CASKIN1: variants seen among roughly 807,000 people sequenced by gnomAD.
The protein encoded by CASKIN1 is CASK interacting protein 1, also known as caskin-1.
CASKIN1 carries 42 observed loss-of-function variants against 117.5 expected under a neutral mutation model. That is an observed-to-expected ratio of 0.36 (90% CI 0.28 to 0.46). CASKIN1 has a LOEUF of 0.46. CASKIN1 is among the 20% of genes least tolerant of loss of function. The pLI is 1.00. For synonymous variants in CASKIN1, 1,148 were observed against 961.7 expected (o/e 1.19, Z -3.59); for missense variants, 2,083 against 2,077.3 (o/e 1.00, Z -0.05).
chr16:2,178,432 G>A lies in CASKIN1; in HGVS notation c.*118C>T. The A allele has an allele frequency of 2.8e-6, 2 of 724,682 alleles. No individual in the cohort carries two copies. Among genetic ancestry groups the A allele is most frequent in the Non-Finnish European group, 4.1e-6 (2 of 490,660 alleles). 44.9% of individuals were successfully genotyped at this position (724,682 alleles called of 1,614,324 possible). ...CGGCCCGGGTCCAGGGGCCGGAGTT[G>A]TGCTTCTGCAGGGCCCTGCCCGGCC... is the stretch of plus-strand genomic sequence containing the variant. On this transcript the variant is annotated 3_prime_UTR_variant, in exon 20 of 20. Transcript: ENST00000343516.
Position 2,179,118 on chromosome 16 carries a change from G to A in CASKIN1, c.3983C>T (p.Pro1328Leu), listed in dbSNP as rs1043365740. Residue 1328 changes from proline to leucine, a missense_variant, in exon 19 of 20, where the codon CCC becomes CTC. Physicochemically the swap from Pro to Leu is moderately conservative, Grantham distance 98 (BLOSUM62 -3). Around this residue, in one of 3 missense-constraint regions of CASKIN1, gnomAD observed 1,818 missense variants for 1,688.9 expected, o/e 1.08. Transcript: ENST00000343516. This position sits in a 1 kb window ranked among gnomAD's most constrained non-coding sequence, Gnocchi z 5.8. ...CAGCGCGGGCGCGCCGGGGGACGGG[G>A]GCTTGGCGGGGCTGGCGCCCAGCGA... ...PPSLGASPAK[P>L]PSPGAPALHV... The A allele has an allele frequency of 9.9e-7, 1 of 1,011,170 alleles. No homozygotes were observed. The highest frequency in any genetic ancestry group is 1.8e-5 in the African/African-American group (1 of 57,098). 62.6% of individuals were successfully genotyped at this position (1,011,170 alleles called of 1,614,324 possible).
chr16:2,194,515 C>T (rs1245021832), intron 1 of CASKIN1, among the ~76,000 whole-genome samples: 1 of 152,160 alleles, frequency 6.6e-6, no homozygotes, highest in Non-Finnish European at 1.5e-5. Context: ...CCTGGGCTCA[C>T]GGGGCCCTGG....
At chr16:2,194,394 G>A (rs1234664416) in intron 1 of CASKIN1, among the ~76,000 whole-genome samples, 1 of 152,148 alleles carries the variant, frequency 6.6e-6, no homozygotes, top group African/African-American at 2.4e-5. Flanking sequence ...CTCCCTTCAG[G>A]GCAGGGCGAG....
chr16:2,185,820 G>C (rs1407405817), intron 10 of CASKIN1, among the ~76,000 whole-genome samples: 5 of 152,206 alleles, frequency 3.3e-5, no homozygotes, highest in Admixed American at 3.3e-4. Context: ...CGGGCCCCTG[G>C]TCCCTTGCAG....
Position 2,179,964 on chromosome 16 carries a change from T to C in CASKIN1, c.3404A>G (p.Gln1135Arg). The C allele has an allele frequency of 6.2e-7, 1 of 1,606,746 alleles. No individual in the cohort carries two copies. The highest frequency in any genetic ancestry group is 8.5e-7 in the Non-Finnish European group (1 of 1,177,224). Residue 1135 changes from glutamine to arginine, a missense_variant, in exon 18 of 20, where the codon CAG becomes CGG. By Grantham distance (43) the Gln-to-Arg change is conservative. This residue lies in a region of CASKIN1 where 1,818 missense variants were observed against 1,688.9 expected (regional missense o/e 1.08). Transcript: ENST00000343516. This position sits in a 1 kb window ranked among gnomAD's most constrained non-coding sequence, Gnocchi z 5.8. ...GGTCAGGATGAACTTGACGTTCTCCTGCTGGTTCTGCTTGGCCCGGATGCG... is the reference window on the plus strand; with the variant it reads ...GGTCAGGATGAACTTGACGTTCTCCCGCTGGTTCTGCTTGGCCCGGATGCG... ...KRRIRAKQNQ[Q>R]ENVKFILTES...
At chr16:2,183,086 C>T (rs890496985) in intron 16 of CASKIN1, among the ~76,000 whole-genome samples, 3 of 152,224 alleles carry the variant, frequency 2.0e-5, no homozygotes, top group Non-Finnish European at 2.9e-5. Context: ...CGCGCCCGGC[C>T]GCACCTCCGT....
At chr16:2,191,319 C>T (rs1165902161) in intron 1 of CASKIN1, among the ~76,000 whole-genome samples, 1 of 152,176 alleles carries the variant, frequency 6.6e-6, no homozygotes, top group African/African-American at 2.4e-5. Flanking sequence ...CACAGCAGCC[C>T]CTGCTGCCCC....
chr16:2,193,866 C>T (rs2093207833), intron 1 of CASKIN1, among the ~76,000 whole-genome samples: 1 of 152,178 alleles, frequency 6.6e-6, no homozygotes, highest in Admixed American at 6.5e-5. Context: ...ACAGTGGGTA[C>T]CCAGGAAGGT....
Position 2,181,399 on chromosome 16 carries a change from G to A in CASKIN1, c.1969C>T (p.Leu657Phe), listed in dbSNP as rs1358991929. 6.2e-7 allele frequency: 1 copy of A among 1,611,164 alleles called. No individual in the cohort carries two copies. The highest frequency in any genetic ancestry group is 2.2e-5 in the East Asian group (1 of 44,838). ...PKMTTFQDSE[L>F]SDELQAAMTG... The stretch of plus-strand genomic sequence containing the variant: ...ATGGCAGCCTGCAGCTCGTCACTGA[G>A]CTCGCTGTCCTGGAAGGTGGTCATT... Residue 657 changes from leucine to phenylalanine, a missense_variant, in exon 18 of 20, where the codon CTC becomes TTC. Leu to Phe is a conservative substitution (Grantham distance 22, BLOSUM62 0). This residue lies in a region of CASKIN1 where 1,818 missense variants were observed against 1,688.9 expected (regional missense o/e 1.08). Transcript: ENST00000343516.
intron 6 of CASKIN1, among the ~76,000 whole-genome samples, chr16:2,187,688 C>A (rs2093189019): frequency 6.6e-6 from 1 of 152,200 alleles, no homozygotes; most frequent in Admixed American, 6.5e-5. Flanking sequence ...ATGGTGCGAT[C>A]TCGGCTCACT....
rs758475679 is a variant in CASKIN1 at position 2,179,957 on chromosome 16, G to C, written c.3411C>G (p.Asn1137Lys). ...RIRAKQNQQE[N>K]VKFILTESDT... ...CAGACTCGGTCAGGATGAACTTGAC[G>C]TTCTCCTGCTGGTTCTGCTTGGCCC... The change falls in exon 18 of 20, where the codon AAC becomes AAG. Residue 1137 changes from asparagine (N) to lysine (K), a missense_variant. Transcript: ENST00000343516. The surrounding 1 kb of genome is among the most constrained non-coding windows in gnomAD (Gnocchi z 5.8). The C allele has an allele frequency of 4.4e-6, 7 of 1,606,722 alleles. No homozygotes were observed. The highest frequency in any genetic ancestry group is 5.9e-6 in the Non-Finnish European group (7 of 1,177,280).
Position 2,189,011 on chromosome 16 carries a change from C to A in CASKIN1, c.617+16G>T, listed in dbSNP as rs773251173. On this transcript the variant is annotated intron_variant, in intron 6 of 19. Transcript: ENST00000343516. ...GGGGACCCTAAGGCTGAGGCCCTCCCTGCTACCGGCTCTACCTGATGATGT... is the reference window on the plus strand; with the variant it reads ...GGGGACCCTAAGGCTGAGGCCCTCCATGCTACCGGCTCTACCTGATGATGT... The A allele has an allele frequency of 1.2e-6, 2 of 1,605,284 alleles. No individual in the cohort carries two copies. Among genetic ancestry groups the A allele is most frequent in the Non-Finnish European group, 1.7e-6 (2 of 1,174,452 alleles).
chr16:2,185,020 G>T lies in CASKIN1; in HGVS notation c.1255C>A (p.Leu419Ile). Residue 419 changes from leucine (L) to isoleucine (I), a missense_variant, in exon 13 of 20, where the codon CTT (leucine) becomes ATT (isoleucine). By Grantham distance (5) the Leu-to-Ile change is conservative. Coordinates refer to ENST00000343516, the MANE Select transcript of CASKIN1 (RefSeq NM_020764.4). ...GACTCAGAGACGGACTTCTGGGAAA[G>T]CACCGTTGCCAGGAGCTGCAACCCA... Reference protein sequence around the residue: ...SEGVKLLATVLSQKSVSESGP... With the variant: ...SEGVKLLATVISQKSVSESGP... 1 of 1,609,578 alleles carries T rather than the reference G, an allele frequency of 6.2e-7. No individual in the cohort carries two copies. The highest frequency in any genetic ancestry group is 1.1e-5 in the South Asian group (1 of 90,910).
chr16:2,178,083 A>C lies in CASKIN1; in HGVS notation c.*467T>G, dbSNP rs889950378. 5 of 494,952 alleles carry C rather than the reference A, an allele frequency of 1.0e-5. No individual in the cohort carries two copies. The highest frequency in any genetic ancestry group is 1.9e-5 in the Non-Finnish European group (5 of 257,144). 30.7% of individuals were successfully genotyped at this position (494,952 alleles called of 1,614,324 possible). On this transcript the variant is annotated 3_prime_UTR_variant, in exon 20 of 20. Coordinates refer to ENST00000343516, the MANE Select transcript of CASKIN1 (RefSeq NM_020764.4). ...TTATACCTTTTTGTTTCTCTGGGGAAATCCGCCTCAGCTCATTCCCAATAA... is the reference window on the plus strand; with the variant it reads ...TTATACCTTTTTGTTTCTCTGGGGACATCCGCCTCAGCTCATTCCCAATAA...
rs1173646035 is a variant in CASKIN1 at position 2,181,873 on chromosome 16, C to G, written c.1686G>C (p.Leu562Phe). 1.9e-6 allele frequency: 3 copies of G among 1,613,716 alleles called. No homozygotes were observed. Among genetic ancestry groups the G allele is most frequent in the South Asian group, 2.2e-5 (2 of 91,086 alleles). The part of the protein sequence containing the change: ...MIGLAQYYKV[L>F]VDNGYENIDF... Reference sequence around the variant, plus strand: ...CAATGTTCTCGTAGCCATTGTCCACCAACACCTTGTAGTACTGGGCCAGGC... The same window carrying G: ...CAATGTTCTCGTAGCCATTGTCCACGAACACCTTGTAGTACTGGGCCAGGC... The change falls in exon 17 of 20, where the codon TTG (leucine) becomes TTC (phenylalanine). Residue 562 changes from leucine to phenylalanine, a missense_variant. Physicochemically the swap from Leu to Phe is conservative, Grantham distance 22 (BLOSUM62 0). Around this residue, in one of 3 missense-constraint regions of CASKIN1, gnomAD observed 1,818 missense variants for 1,688.9 expected, o/e 1.08. Transcript: ENST00000343516.
In CASKIN1 at chr16:2,181,611, G is replaced by A. The variant is rs559388298; in HGVS notation, c.1769-12C>T. On this transcript the variant is annotated splice_polypyrimidine_tract_variant and intron_variant, in intron 17 of 19. Coordinates refer to ENST00000343516, the MANE Select transcript of CASKIN1 (RefSeq NM_020764.4). ...CTTCTTCTGGTGCCCTGAGTGGGGC[G>A]CAGGGGGCAGGTCAGGTGGACCAGG... is the stretch of plus-strand genomic sequence containing the variant. 2.6e-5 allele frequency: 40 copies of A among 1,546,216 alleles called. No homozygotes were observed. In the East Asian group the frequency reaches 8.0e-4, roughly 31 times the overall value.
rs1389859540 is a variant in CASKIN1, at chr16:2,182,883, C to T, written c.1629+763G>A. On this transcript the variant is annotated intron_variant, in intron 16 of 19. Transcript: ENST00000343516. The surrounding 1 kb of genome is among the most constrained non-coding windows in gnomAD (Gnocchi z 4.1). ...TCGGCTCACTGCAAGCTCCGCCTCC[C>T]GGGTTCATGCCATTCTCCTGCCTCA... Among the ~76,000 whole-genome samples, 6 of 152,224 alleles carry T rather than the reference C, an allele frequency of 3.9e-5. No individual in the cohort carries two copies. Among genetic ancestry groups the T allele is most frequent in the Non-Finnish European group, 7.3e-5 (5 of 68,036 alleles).
intron 1 of CASKIN1, among the ~76,000 whole-genome samples, chr16:2,195,972 GT>G (rs146189534): frequency 0.14 from 20,351 of 148,884 alleles, 1,716 homozygotes; most frequent in African/African-American, 0.24. Flanking sequence ...CGTGTGGTGG[GT>G]GGGGGGGGCA....
chr16:2,190,449 G>C, intron 1 of CASKIN1, 91 bp from the exon 2 acceptor site: 1 of 1,184,782 alleles, frequency 8.4e-7, no homozygotes, highest in Non-Finnish European at 1.2e-6. Flanking sequence ...CATCTCCCCG[G>C]CAGGCACAAA....
Sources: allele counts gnomAD v4.1 joint callset (sites outside exome capture counted in the v4.1 genomes callset), GRCh38; gene constraint gnomAD v4.1.1; regional missense constraint gnomAD v4.1.1; non-coding constraint Gnocchi (gnomAD v3.1); transcripts MANE v1.5; gene names NCBI Gene and HGNC (gene_info 2026-07-23, HGNC 2026-07-21).